The following GRB10 variants were observed in gnomAD, a reference collection of about 807,000 sequenced individuals.
GRB10 encodes the protein growth factor receptor-bound protein 10.
A neutral mutation model predicts 80.9 loss-of-function variants in GRB10; 20 were observed. The observed-to-expected ratio is 0.25, with a 90% CI of 0.17 to 0.36. The LOEUF (loss-of-function observed/expected upper bound fraction) is 0.36, where lower values mean the gene tolerates loss of function less well. Ranked by LOEUF, GRB10 falls within the 10% of genes least tolerant of loss-of-function variation. The probability of loss-of-function intolerance (pLI) is 1.00; values close to 1 mark genes in which losing one functional copy is unlikely to be tolerated. For missense variants in GRB10, 548 were observed against 747.7 expected (o/e 0.73, Z 3.12); for synonymous variants, 291 against 291.5 (o/e 1.00, Z 0.02).
At chr7:50,682,084 GC>G (rs1226240243) in intron 5 of GRB10, among the ~76,000 whole-genome samples, 1 of 152,172 alleles carries the variant, frequency 6.6e-6, no homozygotes, top group Non-Finnish European at 1.5e-5. Flanking sequence ...TGTTTCTGTT[GC>G]CCCCCAGCAC....
intron 6 of GRB10, among the ~76,000 whole-genome samples, chr7:50,672,152 C>G (rs1244972979): frequency 6.6e-6 from 1 of 152,348 alleles, no homozygotes; most frequent in East Asian, 1.9e-4. Context: ...CTCCTCTGCC[C>G]ATACCCTGCC....
At chr7:50,721,398 C>A (rs924074696) in intron 4 of GRB10, among the ~76,000 whole-genome samples, 2 of 152,218 alleles carry the variant, frequency 1.3e-5, no homozygotes, top group African/African-American at 4.8e-5. Context: ...GAGGAGCCGT[C>A]GCAGTGATCA....
chr7:50,612,077 AT>A (rs1377692159), intron 13 of GRB10, among the ~76,000 whole-genome samples: 1 of 152,220 alleles, frequency 6.6e-6, no homozygotes, highest in East Asian at 1.9e-4. Context: ...TGTCAAGGGC[AT>A]TACTCTATAT....
intron 5 of GRB10, among the ~76,000 whole-genome samples, chr7:50,691,605 A>G (rs970165598): frequency 2.0e-5 from 3 of 152,230 alleles, no homozygotes; most frequent in African/African-American, 7.2e-5. Context: ...AAACTATACT[A>G]TCATAATTTA....
intron 7 of GRB10, among the ~76,000 whole-genome samples, chr7:50,651,430 T>C (rs1269048378): frequency 1.3e-5 from 2 of 152,184 alleles, no homozygotes; most frequent in African/African-American, 4.8e-5. Flanking sequence ...GGCATTCTCG[T>C]CCCGTGTCTA....
chr7:50,760,994 A>C (rs544264914), intron 2 of GRB10, among the ~76,000 whole-genome samples: 2 of 152,376 alleles, frequency 1.3e-5, no homozygotes, highest in Admixed American at 1.3e-4. Flanking sequence ...TTGAAGATCA[A>C]ATTGAAGGAA....
intron 17 of GRB10, among the ~76,000 whole-genome samples, chr7:50,603,748 G>T (rs111840874): frequency 3.9e-5 from 6 of 152,330 alleles, no homozygotes; most frequent in Non-Finnish European, 5.9e-5. Context: ...CATCTCTTCA[G>T]ATTTCATACA....
chr7:50,793,021 G>C (rs1342106618), intron 1 of GRB10: 1 of 141,406 alleles, frequency 7.1e-6, no homozygotes, highest in African/African-American at 2.6e-5. Context: ...AGCACCGCCC[G>C]CTGCGGGCCC....
chr7:50,659,648 A>G (rs1412049574), intron 7 of GRB10, among the ~76,000 whole-genome samples: 1 of 152,194 alleles, frequency 6.6e-6, no homozygotes, highest in Admixed American at 6.5e-5. Flanking sequence ...CAAGTCTTGG[A>G]AGGCAGACAG....
intron 4 of GRB10, among the ~76,000 whole-genome samples, chr7:50,720,102 T>G (rs1457232136): frequency 6.6e-6 from 1 of 152,132 alleles, no homozygotes; most frequent in African/African-American, 2.4e-5. Context: ...CCTACCACTT[T>G]TCCAGAAACA....
chr7:50,721,054 A>C (rs1045175146), intron 4 of GRB10, among the ~76,000 whole-genome samples: 3 of 152,266 alleles, frequency 2.0e-5, no homozygotes, highest in Non-Finnish European at 4.4e-5. Flanking sequence ...GTTAACATGA[A>C]CACCACATAC....
intron 16 of GRB10, 81 bp from the exon 17 acceptor site, chr7:50,604,166 C>A: frequency 6.7e-6 from 9 of 1,334,882 alleles, no homozygotes; most frequent in Non-Finnish European, 9.7e-6. Flanking sequence ...CAACTCTGAT[C>A]AACTCAGAGC....
chr7:50,787,298 G>A (rs1425534940), upstream of GRB10, among the ~76,000 whole-genome samples: 3 of 152,146 alleles, frequency 2.0e-5, no homozygotes, highest in Admixed American at 2.0e-4. Flanking sequence ...GGAGGAGGTT[G>A]CCAGGAATCG....
At chr7:50,630,679 T>A (rs1190492805) in intron 7 of GRB10, among the ~76,000 whole-genome samples, 1 of 152,212 alleles carries the variant, frequency 6.6e-6, no homozygotes, top group Non-Finnish European at 1.5e-5. Flanking sequence ...TCTTTCTCTC[T>A]ACTGCAAAAA....
upstream of GRB10, among the ~76,000 whole-genome samples, chr7:50,783,062 C>T (rs2153714468): frequency 6.6e-6 from 1 of 152,360 alleles, no homozygotes; most frequent in Admixed American, 6.5e-5. Context: ...CAAGGACGCG[C>T]ACACTGGCCA....
At chr7:50,645,319 G>T (rs969313336) in intron 7 of GRB10, among the ~76,000 whole-genome samples, 2 of 152,176 alleles carry the variant, frequency 1.3e-5, no homozygotes, top group African/African-American at 4.8e-5. Flanking sequence ...TGAAAAAGCA[G>T]AACACACTCA....
chr7:50,692,506 A>G (rs935752364), intron 5 of GRB10, among the ~76,000 whole-genome samples: 1 of 152,150 alleles, frequency 6.6e-6, no homozygotes, highest in Admixed American at 6.5e-5. Context: ...CAGCAGGAAG[A>G]CAGGGCGCTA....
intron 3 of GRB10, among the ~76,000 whole-genome samples, chr7:50,733,511 A>G (rs1454188776): frequency 1.3e-5 from 2 of 152,216 alleles, no homozygotes; most frequent in Non-Finnish European, 2.9e-5. Context: ...AATCCCTCAA[A>G]TCACCAAAGA....
At chr7:50,672,755 T>C (rs766989947) in intron 6 of GRB10, among the ~76,000 whole-genome samples, 1 of 152,180 alleles carries the variant, frequency 6.6e-6, no homozygotes, top group Non-Finnish European at 1.5e-5. Context: ...ACCTTCGCCA[T>C]GCAACTGCAC....
Sources: allele counts gnomAD v4.1 joint callset (sites outside exome capture counted in the v4.1 genomes callset), GRCh38; gene constraint gnomAD v4.1.1; transcripts MANE v1.5; gene names NCBI Gene and HGNC (gene_info 2026-07-23, HGNC 2026-07-21).